Variants in ARID2 observed in about 807,000 individuals in gnomAD.
ARID2 encodes the protein AT-rich interaction domain 2.
ARID2 carries 32 observed loss-of-function variants against 184.6 expected under a neutral mutation model. The observed-to-expected ratio is 0.17, with a 90% confidence interval of 0.13 to 0.23. The LOEUF (loss-of-function observed/expected upper bound fraction) is 0.23. Ranked by LOEUF, ARID2 falls within the 10% of genes least tolerant of loss-of-function variation. The pLI, the probability that ARID2 is intolerant of heterozygous loss-of-function variation, is 1.00. For missense variants in ARID2, 1,696 were observed against 2,197.6 expected (o/e 0.77, Z 4.56); for synonymous variants, 836 against 772.6 (o/e 1.08, Z -1.36).
intron 3 of ARID2, among the ~76,000 whole-genome samples, chr12:45,776,650 A>G (rs746041683): frequency 5.9e-5 from 9 of 152,148 alleles, no homozygotes; most frequent in African/African-American, 1.2e-4. Flanking sequence ...ATGCTTCTAT[A>G]GAAACTTTAA....
At chr12:45,817,030 A>G (rs1389868726) in intron 4 of ARID2, among the ~76,000 whole-genome samples, 1 of 152,222 alleles carries the variant, frequency 6.6e-6, no homozygotes, top group Non-Finnish European at 1.5e-5. Context: ...TATTGCAGTA[A>G]TTTGGAAGAA....
At chr12:45,853,024 C>T (rs1404289591) in intron 15 of ARID2, 128 bp downstream of exon 15, 1 of 1,312,628 alleles carries the variant, frequency 7.6e-7, no homozygotes, top group Non-Finnish European at 9.8e-7. Context: ...TGTATCCAAC[C>T]TGTCCTTTTC....
At chr12:45,773,813 T>C (rs1565590909) in intron 3 of ARID2, among the ~76,000 whole-genome samples, 1 of 152,114 alleles carries the variant, frequency 6.6e-6, no homozygotes, top group Non-Finnish European at 1.5e-5. Context: ...CTGCCAAACA[T>C]TGAAAGGAAA....
intron 3 of ARID2, among the ~76,000 whole-genome samples, chr12:45,779,172 T>C (rs1942041887): frequency 1.3e-5 from 2 of 152,202 alleles, no homozygotes; most frequent in South Asian, 2.1e-4. Flanking sequence ...TGTAAATCTT[T>C]TATCTGTGTC....
At position 45,781,508 on chromosome 12, in the gene ARID2, G is replaced by A. The variant is rs189410595; in HGVS notation, c.285-29910G>A. 2.5e-3 allele frequency among the ~76,000 whole-genome samples: 370 copies of A among 150,128 alleles called. 8 individuals carry two copies. Among genetic ancestry groups the A allele is most frequent in the Admixed American group, 0.02 (298 of 15,002 alleles). ...ATTGGTCATTACTTGCTAGCCTTCC[G>A]GTAAGTACCAAGTCTTACAAGAGTA... is the stretch of plus-strand genomic sequence containing the variant. On this transcript the variant is annotated intron_variant, in intron 3 of 20. Coordinates refer to ENST00000334344, the MANE Select transcript of ARID2 (RefSeq NM_152641.4).
chr12:45,753,819 C>G (rs2137998328), intron 3 of ARID2, among the ~76,000 whole-genome samples: 1 of 152,238 alleles, frequency 6.6e-6, no homozygotes, highest in East Asian at 1.9e-4. Context: ...GTCTCGAACT[C>G]CTGGACTCAA....
chr12:45,757,399 C>T (rs1941590338), intron 3 of ARID2, among the ~76,000 whole-genome samples: 1 of 152,214 alleles, frequency 6.6e-6, no homozygotes, highest in Non-Finnish European at 1.5e-5. Flanking sequence ...CAGCCCCTAG[C>T]ATACGTATCA....
At chr12:45,781,477 A>T (rs1942088718) in intron 3 of ARID2, among the ~76,000 whole-genome samples, 2 of 149,400 alleles carry the variant, frequency 1.3e-5, no homozygotes, top group African/African-American at 5.0e-5. Context: ...TAAAGGTCAG[A>T]TTATCATTGG....
At chr12:45,773,321 C>T (rs1453195904) in intron 3 of ARID2, among the ~76,000 whole-genome samples, 3 of 151,690 alleles carry the variant, frequency 2.0e-5, no homozygotes, top group East Asian at 1.9e-4. Flanking sequence ...TTGATACAGC[C>T]GTCTACCTTA....
intron 4 of ARID2, among the ~76,000 whole-genome samples, chr12:45,812,219 A>G (rs1431172766): frequency 1.3e-5 from 2 of 151,272 alleles, no homozygotes; most frequent in Non-Finnish European, 2.9e-5. Context: ...AAAAAAAAAG[A>G]GATACTTGTT....
intron 3 of ARID2, among the ~76,000 whole-genome samples, chr12:45,786,713 A>G (rs1942201183): frequency 6.6e-6 from 1 of 152,236 alleles, no homozygotes; most frequent in Admixed American, 6.5e-5. Flanking sequence ...CATTATTCAC[A>G]ATAGCCAAGA....
chr12:45,736,098 C>G (rs1229583186), intron 3 of ARID2, among the ~76,000 whole-genome samples: 1 of 152,144 alleles, frequency 6.6e-6, no homozygotes, highest in Non-Finnish European at 1.5e-5. Context: ...GGCTCACGCC[C>G]TGTAATCCCA....
Position 45,729,927 on chromosome 12 carries a change from G to A in ARID2, c.91G>A (p.Gly31Arg). 2 of 1,608,118 alleles carry A rather than the reference G, an allele frequency of 1.2e-6. No individual in the cohort carries two copies. Among genetic ancestry groups the A allele is most frequent in the Non-Finnish European group, 1.7e-6 (2 of 1,177,382 alleles). The change falls in exon 1 of 21, where the codon GGG (glycine) becomes AGG (arginine). Residue 31 changes from glycine to arginine, a missense_variant and splice_region_variant. By Grantham distance (125) the Gly-to-Arg change is moderately radical (BLOSUM62 -2). Transcript: ENST00000334344. ...DELRQFHHSR[G>R]SPFKKIPAVG... ...GCTGCGGCAGTTCCACCACAGCAGAGGGTGAGAGCAGAACCGGGGGGGCAG... is the reference window on the plus strand; with the variant it reads ...GCTGCGGCAGTTCCACCACAGCAGAAGGTGAGAGCAGAACCGGGGGGGCAG...
In ARID2 at chr12:45,891,638, A is replaced by G. The variant is rs1458792474; in HGVS notation, c.4923-142A>G. The G allele has an allele frequency of 8.5e-6, 7 of 826,442 alleles. No individual in the cohort carries two copies. The Middle Eastern group carries it at 1.8e-3, about 210-fold the overall frequency. The allele number at this position is 826,442 out of a possible 1,614,324, so 51.2% of individuals were successfully genotyped here. On this transcript the variant is annotated intron_variant, in intron 16 of 20. Coordinates refer to ENST00000334344, the MANE Select transcript of ARID2 (RefSeq NM_152641.4). ...CCTTCATTGAAGGTAGGGAATTATG[A>G]ATAAGGGATGTTAAAACAATTTACC...
At chr12:45,816,434 G>A (rs192826746) in intron 4 of ARID2, among the ~76,000 whole-genome samples, 11 of 152,280 alleles carry the variant, frequency 7.2e-5, no homozygotes, top group Admixed American at 3.3e-4. Flanking sequence ...TTAAGTGCTG[G>A]CCAGGATGGA....
intron 3 of ARID2, among the ~76,000 whole-genome samples, chr12:45,770,826 T>C (rs1240202256): frequency 1.3e-5 from 2 of 152,124 alleles, no homozygotes; most frequent in Non-Finnish European, 2.9e-5. Flanking sequence ...TAGAGATCAA[T>C]CAGAGAAAAG....
intron 3 of ARID2, among the ~76,000 whole-genome samples, chr12:45,792,253 T>C (rs1316839054): frequency 6.6e-6 from 1 of 152,196 alleles, no homozygotes; most frequent in African/African-American, 2.4e-5. Flanking sequence ...TTATTATGAT[T>C]AGGTTAAAAT....
rs188978847 is a variant in ARID2 at position 45,807,016 on chromosome 12, G to A, written c.285-4402G>A. On this transcript the variant is annotated intron_variant, in intron 3 of 20. Coordinates refer to ENST00000334344, the MANE Select transcript of ARID2 (RefSeq NM_152641.4). ...CACCATCACTTTCTGTAGCTCCTCAGGAGCTAAGGGAAATCCAAATTGAAC... is the reference window on the plus strand; with the variant it reads ...CACCATCACTTTCTGTAGCTCCTCAAGAGCTAAGGGAAATCCAAATTGAAC... 5.9e-5 allele frequency among the ~76,000 whole-genome samples: 9 copies of A among 152,300 alleles called. No homozygotes were observed. In the East Asian group the frequency reaches 1.3e-3, roughly 23 times the overall value.
chr12:45,781,602 C>T (rs1942091392), intron 3 of ARID2, among the ~76,000 whole-genome samples: 1 of 151,402 alleles, frequency 6.6e-6, no homozygotes, highest in Non-Finnish European at 1.5e-5. Context: ...AAGTACTTTA[C>T]TTGGATTGGT....
Sources: gnomAD v4.1 joint callset for allele counts (sites outside exome capture counted in the v4.1 genomes callset) on GRCh38, gnomAD v4.1.1 for gene constraint, MANE v1.5 for transcripts, NCBI Gene and HGNC (gene_info 2026-07-23, HGNC 2026-07-21) for gene names.